PRR16: variants seen among roughly 807,000 people sequenced by gnomAD.
PRR16 encodes the protein protein Largen.
PRR16 carries 6 observed loss-of-function variants against 18.2 expected under a neutral mutation model. That is an observed-to-expected ratio of 0.33 (90% CI 0.18 to 0.65). PRR16 has a LOEUF of 0.65. Ranked by LOEUF, PRR16 falls within the 30% of genes least tolerant of loss-of-function variation. PRR16 has a pLI of 0.74. For missense variants in PRR16, 412 were observed against 376.6 expected (o/e 1.09, Z -0.78); for synonymous variants, 151 against 147.8 (o/e 1.02, Z -0.16).
At chr5:120,673,505 G>C (rs1366069209) in intron 1 of PRR16, among the ~76,000 whole-genome samples, 1 of 152,126 alleles carries the variant, frequency 6.6e-6, no homozygotes, top group Admixed American at 6.5e-5. Flanking sequence ...ATAAACTCCT[G>C]AATCTTGTGT....
At chr5:120,620,800 T>A (rs936896575) in intron 1 of PRR16, among the ~76,000 whole-genome samples, 1 of 152,116 alleles carries the variant, frequency 6.6e-6, no homozygotes, top group African/African-American at 2.4e-5. Flanking sequence ...CAGCTCTTTT[T>A]GCTGATCTCA....
At chr5:120,753,882 A>G in the PRR16 span, among the ~76,000 whole-genome samples, 1 of 129,250 alleles carries the variant, frequency 7.7e-6, no homozygotes, top group Non-Finnish European at 1.6e-5. Context: ...ATATATTTAT[A>G]TATTATATAT....
chr5:120,594,799 T>C (rs1753748851), intron 1 of PRR16, among the ~76,000 whole-genome samples: 1 of 151,770 alleles, frequency 6.6e-6, no homozygotes, highest in Non-Finnish European at 1.5e-5. Context: ...CCAGAAATAA[T>C]GCTGCATACC....
At chr5:120,744,426 A>G in the PRR16 span, among the ~76,000 whole-genome samples, 3 of 152,176 alleles carry the variant, frequency 2.0e-5, no homozygotes, top group African/African-American at 7.2e-5. Context: ...ACAGATCTTT[A>G]GTTCTGGGTG....
At chr5:120,603,765 A>G (rs963886635) in intron 1 of PRR16, among the ~76,000 whole-genome samples, 1 of 151,810 alleles carries the variant, frequency 6.6e-6, no homozygotes, top group African/African-American at 2.4e-5. Flanking sequence ...TCTTTGTTTT[A>G]ATTAGTTTCA....
the PRR16 span, among the ~76,000 whole-genome samples, chr5:120,767,134 G>A: frequency 6.6e-6 from 1 of 151,894 alleles, no homozygotes. Flanking sequence ...TGTGAACACA[G>A]CAAGAATTAA....
At chr5:120,789,480 C>G in the PRR16 span, among the ~76,000 whole-genome samples, 1 of 151,928 alleles carries the variant, frequency 6.6e-6, no homozygotes, top group Admixed American at 6.6e-5. Context: ...AAAAAATAAC[C>G]CTTTTTTAAT....
intron 1 of PRR16, among the ~76,000 whole-genome samples, chr5:120,683,791 A>G (rs1166705349): frequency 2.0e-5 from 3 of 152,158 alleles, no homozygotes; most frequent in Non-Finnish European, 4.4e-5. Flanking sequence ...GCTGATAAAC[A>G]CCAGTATTCC....
At chr5:120,713,234 A>G in the PRR16 span, among the ~76,000 whole-genome samples, 2 of 152,126 alleles carry the variant, frequency 1.3e-5, no homozygotes, top group African/African-American at 4.8e-5. Flanking sequence ...CAGACATAGA[A>G]ATAAAAATAC....
the PRR16 span, among the ~76,000 whole-genome samples, chr5:120,700,705 C>T: frequency 6.6e-6 from 1 of 152,042 alleles, no homozygotes; most frequent in African/African-American, 2.4e-5. Flanking sequence ...GCAAGGGAAA[C>T]AGGCCCTTGA....
intron 1 of PRR16, among the ~76,000 whole-genome samples, chr5:120,617,454 G>T (rs1270578163): frequency 6.6e-6 from 1 of 152,036 alleles, no homozygotes; most frequent in Admixed American, 6.6e-5. Context: ...AAGGAAATAA[G>T]TATAATAATA....
At chr5:120,698,884 T>G in the PRR16 span, among the ~76,000 whole-genome samples, 1 of 152,142 alleles carries the variant, frequency 6.6e-6, no homozygotes, top group East Asian at 1.9e-4. Flanking sequence ...CCTGAAAAAC[T>G]GCTTGGCTGA....
intron 1 of PRR16, among the ~76,000 whole-genome samples, chr5:120,533,414 A>G (rs770953397): frequency 3.3e-5 from 5 of 152,188 alleles, no homozygotes; most frequent in African/African-American, 4.8e-5. Flanking sequence ...TGTAAATTAT[A>G]TTGCATTTTA....
the PRR16 span, among the ~76,000 whole-genome samples, chr5:120,693,540 G>A: frequency 6.6e-6 from 1 of 152,202 alleles, no homozygotes; most frequent in Non-Finnish European, 1.5e-5. Context: ...CAGAGTTACT[G>A]AATAGACAGA....
the PRR16 span, among the ~76,000 whole-genome samples, chr5:120,743,908 T>A: frequency 6.6e-6 from 1 of 152,136 alleles, no homozygotes; most frequent in Non-Finnish European, 1.5e-5. Flanking sequence ...TTACCTATTA[T>A]TTTCCTTTAT....
chr5:120,596,676 C>T (rs1283034498), intron 1 of PRR16, among the ~76,000 whole-genome samples: 1 of 151,682 alleles, frequency 6.6e-6, no homozygotes, highest in African/African-American at 2.4e-5. Flanking sequence ...TTTGTGTAAG[C>T]CCCCTAATTC....
the PRR16 span, among the ~76,000 whole-genome samples, chr5:120,754,605 TTA>T: frequency 1.4e-5 from 1 of 70,134 alleles, no homozygotes; most frequent in African/African-American, 5.9e-5. Flanking sequence ...ATATATATCG[TTA>T]TATATTATTA....
chr5:120,613,116 A>G (rs192969786), intron 1 of PRR16, among the ~76,000 whole-genome samples: 1 of 152,298 alleles, frequency 6.6e-6, no homozygotes, highest in East Asian at 1.9e-4. Flanking sequence ...TATAATGCAA[A>G]TATTTGCCCA....
the PRR16 span, among the ~76,000 whole-genome samples, chr5:120,770,275 G>A: frequency 6.6e-6 from 1 of 151,856 alleles, no homozygotes; most frequent in Non-Finnish European, 1.5e-5. Flanking sequence ...AGAATAGACA[G>A]CCCATAAATA....
Sources: allele counts gnomAD v4.1 joint callset (sites outside exome capture counted in the v4.1 genomes callset), GRCh38; gene constraint gnomAD v4.1.1; transcripts MANE v1.5; gene names NCBI Gene and HGNC (gene_info 2026-07-23, HGNC 2026-07-21).